The following RAD23B variants were observed in gnomAD, a reference collection of about 807,000 sequenced individuals.
The protein encoded by RAD23B is lysine-specific demethylase RAD23B.
In RAD23B, 5 loss-of-function variants were observed where a neutral mutation model predicts 49.1. The ratio of observed to expected loss-of-function variants is 0.10; its 90% confidence interval spans 0.05 to 0.21. The LOEUF (loss-of-function observed/expected upper bound fraction) is 0.21, where lower values mean the gene tolerates loss of function less well. RAD23B is among the 10% of genes least tolerant of loss of function. The pLI, the probability that RAD23B is intolerant of heterozygous loss-of-function variation, is 1.00. For synonymous variants in RAD23B, 184 were observed against 165.4 expected (o/e 1.11, Z -0.86); for missense variants, 356 against 486.7 (o/e 0.73, Z 2.53).
intron 1 of RAD23B, among the ~76,000 whole-genome samples, chr9:107,287,834 CA>C (rs11396857): frequency 0.12 from 13,977 of 119,086 alleles, 626 homozygotes; most frequent in South Asian, 0.17. Context: ...AACTCCATCT[CA>C]AAAAAAAAAA....
At chr9:107,293,032 C>A (rs1027490853) in intron 1 of RAD23B, among the ~76,000 whole-genome samples, 4 of 151,924 alleles carry the variant, frequency 2.6e-5, no homozygotes, top group Admixed American at 2.0e-4. Context: ...TTAAGGACTT[C>A]ATTCTATGCA....
At chr9:107,323,816 C>A in intron 7 of RAD23B, 74 bp from the exon 8 acceptor site, 1 of 1,356,468 alleles carries the variant, frequency 7.4e-7, no homozygotes. Flanking sequence ...TGTTTGCTGT[C>A]TAAATGTATT....
intron 7 of RAD23B, 145 bp downstream of exon 7, chr9:107,322,263 A>G (rs1465290254): frequency 1.9e-6 from 2 of 1,053,560 alleles, no homozygotes; most frequent in Admixed American, 7.1e-5. Flanking sequence ...TGTTTGAGAA[A>G]GGCCCAAAAG....
At chr9:107,311,594 CTG>C in intron 4 of RAD23B, 86 bp from the exon 5 acceptor site, 2 of 844,068 alleles carry the variant, frequency 2.4e-6, no homozygotes, top group Non-Finnish European at 3.6e-6. Flanking sequence ...ATCAAAGAAT[CTG>C]TTTACCAATT....
chr9:107,326,147 C>CT (rs1204005199), intron 9 of RAD23B, among the ~76,000 whole-genome samples: 1 of 151,994 alleles, frequency 6.6e-6, no homozygotes, highest in Non-Finnish European at 1.5e-5. Flanking sequence ...ATTTTTGCAT[C>CT]TGTTCATAAG....
intron 9 of RAD23B, among the ~76,000 whole-genome samples, chr9:107,329,117 T>G (rs1827261354): frequency 6.6e-6 from 1 of 152,084 alleles, no homozygotes; most frequent in South Asian, 2.1e-4. Flanking sequence ...TAGAAATAGG[T>G]GAGGTGGTTA....
intron 5 of RAD23B, among the ~76,000 whole-genome samples, chr9:107,314,113 G>A (rs1047681632): frequency 6.6e-6 from 1 of 152,166 alleles, no homozygotes; most frequent in Non-Finnish European, 1.5e-5. Flanking sequence ...TTCCTTACCA[G>A]AGTGGAAAGC....
chr9:107,299,734 AT>A lies in RAD23B; in HGVS notation c.67-404del, dbSNP rs555819161. ...AATCATTTGCCTTTTAACATTCACA[AT>A]TTAACCTTTAACATTGAAGTATTCT... is the stretch of plus-strand genomic sequence containing the variant. On this transcript the variant is annotated intron_variant, in intron 1 of 9. Coordinates refer to ENST00000358015, the MANE Select transcript of RAD23B (RefSeq NM_002874.5). 2.2e-4 allele frequency among the ~76,000 whole-genome samples: 34 copies of A among 152,344 alleles called. No homozygotes were observed. The South Asian group carries it at 5.8e-3, about 26-fold the overall frequency.
Position 107,323,930 on chromosome 9 carries a change from A to G in RAD23B, c.858A>G (p.Gln286=). 1.2e-6 allele frequency: 2 copies of G among 1,611,968 alleles called. No individual in the cohort carries two copies. Among genetic ancestry groups the G allele is most frequent in the Non-Finnish European group, 1.7e-6 (2 of 1,178,052 alleles). The stretch of plus-strand genomic sequence containing the variant: ...TTTTACGGAATCAGCCTCAGTTTCA[A>G]CAGATGAGACAAATTATTCAGCAGA... ...LEFLRNQPQF[Q]QMRQIIQQNP... The change falls in exon 8 of 10, where the codon CAA becomes CAG. Residue 286 remains glutamine (Q), a synonymous_variant. Coordinates refer to ENST00000358015, the MANE Select transcript of RAD23B (RefSeq NM_002874.5).
At chr9:107,291,688 C>T (rs1041013782) in intron 1 of RAD23B, among the ~76,000 whole-genome samples, 1 of 152,152 alleles carries the variant, frequency 6.6e-6, no homozygotes, top group African/African-American at 2.4e-5. Flanking sequence ...AGGAAATACT[C>T]TGGTGCCTGT....
At position 107,306,057 on chromosome 9, in the gene RAD23B, ATATATATATATATATCTATATATC is replaced by A. The variant is rs1564245489; in HGVS notation, c.229-312_229-289del. ...AAAATGATACGGTTTATATCTATAT[ATATATATATATATATCTATATATC>A]TATATATATTTCAAATTTTTTATTT... On this transcript the variant is annotated intron_variant, in intron 3 of 9. Coordinates refer to ENST00000358015, the MANE Select transcript of RAD23B (RefSeq NM_002874.5). 2.1e-3 allele frequency among the ~76,000 whole-genome samples: 186 copies of A among 87,350 alleles called. 11 individuals carry two copies. Among genetic ancestry groups the A allele is most frequent in the African/African-American group, 9.9e-3 (157 of 15,924 alleles). The allele number at this position is 87,350 out of a possible 152,430, so 57.3% of individuals were successfully genotyped here.
intron 5 of RAD23B, among the ~76,000 whole-genome samples, chr9:107,313,503 C>T (rs946529363): frequency 2.6e-5 from 4 of 152,194 alleles, no homozygotes; most frequent in Non-Finnish European, 5.9e-5. Flanking sequence ...GGGTTACAGG[C>T]GTGAACCACA....
chr9:107,317,790 G>A (rs1053825127), intron 5 of RAD23B, among the ~76,000 whole-genome samples: 1 of 151,996 alleles, frequency 6.6e-6, no homozygotes, highest in Non-Finnish European at 1.5e-5. Context: ...TCAGAGTGTT[G>A]TCTGTATTGA....
intron 3 of RAD23B, among the ~76,000 whole-genome samples, chr9:107,305,068 C>T (rs1435098595): frequency 1.3e-5 from 2 of 151,784 alleles, no homozygotes; most frequent in East Asian, 1.9e-4. Context: ...GTGGGCGGAT[C>T]GCTTGAGCTC....
In RAD23B at chr9:107,330,296, G is replaced by A. The variant is rs2133103649; in HGVS notation, c.*640G>A. 6.5e-6 allele frequency: 1 copy of A among 152,728 alleles called. No individual in the cohort carries two copies. Among genetic ancestry groups the A allele is most frequent in the Non-Finnish European group, 1.5e-5 (1 of 68,020 alleles). 9.5% of individuals were successfully genotyped at this position (152,728 alleles called of 1,614,324 possible). On this transcript the variant is annotated 3_prime_UTR_variant, in exon 10 of 10. Coordinates refer to ENST00000358015, the MANE Select transcript of RAD23B (RefSeq NM_002874.5). The surrounding 1 kb of genome is among the most constrained non-coding windows in gnomAD (Gnocchi z 4.4). Reference sequence around the variant, plus strand: ...TTTTAAAATTTCTTGATCATTGAATGTGAGACCCTTCTAACATGATTTGAG... The same window carrying A: ...TTTTAAAATTTCTTGATCATTGAATATGAGACCCTTCTAACATGATTTGAG...
chr9:107,310,523 A>C (rs1826869856), intron 4 of RAD23B, among the ~76,000 whole-genome samples: 1 of 152,230 alleles, frequency 6.6e-6, no homozygotes, highest in East Asian at 1.9e-4. Context: ...AGTTAAAAAA[A>C]CACCAAAGCA....
In RAD23B at chr9:107,315,766, G is replaced by A. The variant is rs555743174; in HGVS notation, c.554-2986G>A. ...TGATCTTAGGTGATCCGCCTGCCTC[G>A]GCCTCCCAGAGTGCTGGGATTACAG... On this transcript the variant is annotated intron_variant, in intron 5 of 9. Coordinates refer to ENST00000358015, the MANE Select transcript of RAD23B (RefSeq NM_002874.5). 4.6e-5 allele frequency among the ~76,000 whole-genome samples: 7 copies of A among 152,010 alleles called. No individual in the cohort carries two copies. In the East Asian group the frequency reaches 7.8e-4, roughly 17 times the overall value.
intron 5 of RAD23B, among the ~76,000 whole-genome samples, chr9:107,316,450 C>G (rs7040192): frequency 0.016 from 2,407 of 152,242 alleles, 68 homozygotes; most frequent in African/African-American, 0.055. Flanking sequence ...TTTTTTGTAG[C>G]TCGTAATTTC....
chr9:107,287,749 G>A (rs1430182319), intron 1 of RAD23B, among the ~76,000 whole-genome samples: 4 of 149,164 alleles, frequency 2.7e-5, no homozygotes, highest in African/African-American at 9.9e-5. Context: ...CAGGAGAGTC[G>A]CTTGAACCTG....
Sources: allele counts gnomAD v4.1 joint callset (sites outside exome capture counted in the v4.1 genomes callset), GRCh38; gene constraint gnomAD v4.1.1; non-coding constraint Gnocchi (gnomAD v3.1); transcripts MANE v1.5; gene names NCBI Gene and HGNC (gene_info 2026-07-23, HGNC 2026-07-21).